BRD1: variants seen among roughly 807,000 people sequenced by gnomAD.
BRD1 encodes the protein bromodomain-containing protein 1.
In BRD1, 24 loss-of-function variants were observed where a neutral mutation model predicts 107.7. The ratio of observed to expected loss-of-function variants is 0.22; its 90% CI spans 0.16 to 0.31. The LOEUF is 0.31. Ranked by LOEUF, BRD1 falls within the 10% of genes least tolerant of loss-of-function variation. The probability of loss-of-function intolerance (pLI) is 1.00; values close to 1 mark genes in which losing one functional copy is unlikely to be tolerated. For synonymous variants in BRD1, 744 were observed against 686.1 expected (o/e 1.08, Z -1.32); for missense variants, 1,279 against 1,638.6 (o/e 0.78, Z 3.79).
chr22:49,783,132 G>A lies in BRD1; in HGVS notation c.2857+4258C>T, dbSNP rs1331699169. On this transcript the variant is annotated intron_variant, in intron 8 of 12. Transcript: ENST00000404760. This position sits in a 1 kb window ranked among gnomAD's most constrained non-coding sequence, Gnocchi z 4.2. ...CGCCTGCACGAGACCTGCTCTTGCTGGGACCCAGCTCCATGACAATGCAGC... is the reference window on the plus strand; with the variant it reads ...CGCCTGCACGAGACCTGCTCTTGCTAGGACCCAGCTCCATGACAATGCAGC... 2.0e-5 allele frequency among the ~76,000 whole-genome samples: 3 copies of A among 150,694 alleles called. No individual in the cohort carries two copies. Among genetic ancestry groups the A allele is most frequent in the Non-Finnish European group, 4.4e-5 (3 of 67,760 alleles).
chr22:49,777,844 A>G, intron 8 of BRD1, 31 bp from the exon 9 acceptor site: 1 of 1,575,888 alleles, frequency 6.3e-7, no homozygotes, highest in Non-Finnish European at 8.6e-7. Flanking sequence ...CCCTGAGCTC[A>G]GCACAACCAG....
intron 2 of BRD1, among the ~76,000 whole-genome samples, chr22:49,821,721 T>C (rs965265535): frequency 5.3e-5 from 8 of 152,152 alleles, no homozygotes; most frequent in East Asian, 3.9e-4. Context: ...TCAGCCTGCA[T>C]GCGTCCCACC....
chr22:49,819,895 CGA>C (rs1197861571), intron 2 of BRD1, among the ~76,000 whole-genome samples: 2 of 151,756 alleles, frequency 1.3e-5, no homozygotes, highest in African/African-American at 4.8e-5. Flanking sequence ...TTTGGGAGTT[CGA>C]GGCGGGTGGA....
intron 12 of BRD1, among the ~76,000 whole-genome samples, chr22:49,775,108 T>G (rs1023161031): frequency 2.6e-5 from 4 of 152,068 alleles, no homozygotes; most frequent in Admixed American, 2.6e-4. Flanking sequence ...TCCCAGACGC[T>G]CTGGGGAAAA....
At chr22:49,796,101 T>G (rs2059525820) in intron 6 of BRD1, among the ~76,000 whole-genome samples, 1 of 152,052 alleles carries the variant, frequency 6.6e-6, no homozygotes, top group Non-Finnish European at 1.5e-5. Flanking sequence ...GTTTTCTTTT[T>G]TTTTTTTTTG....
At chr22:49,801,209 A>T (rs935446051) in intron 3 of BRD1, among the ~76,000 whole-genome samples, 1 of 152,234 alleles carries the variant, frequency 6.6e-6, no homozygotes, top group Non-Finnish European at 1.5e-5. Flanking sequence ...ACCAGCATAC[A>T]CACAAATCGC....
In BRD1 at chr22:49,774,251, G is replaced by T; in HGVS notation, c.3552C>A (p.Asp1184Glu). 1 of 1,613,934 alleles carries T rather than the reference G, an allele frequency of 6.2e-7. No homozygotes were observed. Residue 1184 changes from aspartate (D) to glutamate (E), a missense_variant, in exon 13 of 13, where the codon GAC (aspartate) becomes GAA (glutamate). Asp to Glu is a conservative substitution (Grantham distance 45). Around this residue, in one of 7 missense-constraint regions of BRD1, gnomAD observed 136 missense variants for 196.8 expected, o/e 0.69. Transcript: ENST00000404760. ...CGGGCCGTCAGTCAATGTCACTGAG[G>T]TCGCTGGTCGGCTCCCCGTGGACGC... ...LSRVHGEPTSDLSDID is the reference protein window; with the variant it reads ...LSRVHGEPTSELSDID
Position 49,799,060 on chromosome 22 carries a change from C to T in BRD1, c.1584G>A (p.Leu528=). ...GGCGAGCGCGCTCCAGGTCGTGCCG[C>T]AGCCGCTGCCAGTACTTCAGCTTCT... ...AKEKLKYWQR[L]RHDLERARLL... The change falls in exon 4 of 13, where the codon CTG becomes CTA. Residue 528 remains leucine (L), a synonymous_variant. Coordinates refer to ENST00000404760, the MANE Select transcript of BRD1 (RefSeq NM_001304808.3). 1 of 1,611,174 alleles carries T rather than the reference C, an allele frequency of 6.2e-7. No homozygotes were observed. The highest frequency in any genetic ancestry group is 1.1e-5 in the South Asian group (1 of 91,082).
Position 49,797,784 on chromosome 22 carries a change from G to A in BRD1, c.2098+21C>T, listed in dbSNP as rs532774498. On this transcript the variant is annotated intron_variant, in intron 6 of 12. Coordinates refer to ENST00000404760, the MANE Select transcript of BRD1 (RefSeq NM_001304808.3). ...AGAAAGAGCGTCTTCCACCTCCTCC[G>A]GACACGGCGCCAGTTCTTACCGTCT... The A allele has an allele frequency of 3.1e-5, 49 of 1,566,100 alleles. No individual in the cohort carries two copies. In the Middle Eastern group the frequency reaches 6.8e-4, roughly 22 times the overall value.
chr22:49,799,227 G>A (rs939781534), intron 3 of BRD1, 108 bp from the exon 4 acceptor site: 14 of 1,443,568 alleles, frequency 9.7e-6, no homozygotes, highest in Non-Finnish European at 1.3e-5. Flanking sequence ...CAGGGGTCCT[G>A]CAGGCCCATC....
intron 1 of BRD1, among the ~76,000 whole-genome samples, chr22:49,825,276 G>A (rs891569918): frequency 3.9e-5 from 6 of 152,222 alleles, no homozygotes; most frequent in Non-Finnish European, 7.4e-5. Context: ...GCTCCACAGC[G>A]AGGGGTGACC....
At position 49,799,027 on chromosome 22, in the gene BRD1, G is replaced by A. The variant is rs200430329; in HGVS notation, c.1617C>T (p.Ile539=). The A allele has an allele frequency of 2.2e-4, 358 of 1,611,276 alleles. No individual in the cohort carries two copies. The highest frequency in any genetic ancestry group is 8.3e-4 in the Middle Eastern group (5 of 6,018). The change falls in exon 4 of 13, where the codon ATC becomes ATT. Residue 539 remains isoleucine, a synonymous_variant. Transcript: ENST00000404760. ...GCTTCTCCCGCTTGCGCAGCAGCTC[G>A]ATCAGCAGGCGAGCGCGCTCCAGGT... ...RHDLERARLL[I]ELLRKREKLK... is the part of the protein sequence containing the mutation.
Position 49,774,077 on chromosome 22 carries a change from T to G in BRD1, c.*156A>C. ...CTCACAGCGCCCAGACGGAGATGGGTTCCTAGAAAACTTGGAAATAAAACC... is the reference window on the plus strand; with the variant it reads ...CTCACAGCGCCCAGACGGAGATGGGGTCCTAGAAAACTTGGAAATAAAACC... On this transcript the variant is annotated 3_prime_UTR_variant, in exon 13 of 13. Coordinates refer to ENST00000404760, the MANE Select transcript of BRD1 (RefSeq NM_001304808.3). 9.4e-7 allele frequency: 1 copy of G among 1,060,446 alleles called. No homozygotes were observed. The highest frequency in any genetic ancestry group is 1.6e-5 in the African/African-American group (1 of 61,714). The allele number at this position is 1,060,446 out of a possible 1,614,324, so 65.7% of individuals were successfully genotyped here. A position where few individuals can be genotyped will look rare whatever the true frequency, so the allele number is the denominator to read the frequency against.
At position 49,823,955 on chromosome 22, in the gene BRD1, C is replaced by T; in HGVS notation, c.363G>A (p.Lys121=). 1 of 1,614,146 alleles carries T rather than the reference C, an allele frequency of 6.2e-7. No individual in the cohort carries two copies. Among genetic ancestry groups the T allele is most frequent in the Non-Finnish European group, 8.5e-7 (1 of 1,180,034 alleles). ...PASASALPEP[K]VRIVEYSPPS... The stretch of plus-strand genomic sequence containing the variant: ...GAGGGCTGTACTCCACGATGCGCAC[C>T]TTGGGCTCCGGGAGGGCACTGGCCG... Residue 121 remains lysine, a synonymous_variant, in exon 2 of 13, where the codon AAG becomes AAA. Coordinates refer to ENST00000404760, the MANE Select transcript of BRD1 (RefSeq NM_001304808.3).
intron 7 of BRD1, among the ~76,000 whole-genome samples, chr22:49,789,500 G>A (rs138842): frequency 9.0e-5 from 7 of 78,084 alleles, no homozygotes; most frequent in Admixed American, 1.7e-4. Flanking sequence ...TCCCCCCCCC[G>A]CCCCGAGCTC....
intron 12 of BRD1, among the ~76,000 whole-genome samples, chr22:49,774,646 ACCT>A (rs1437969286): frequency 6.6e-6 from 1 of 151,660 alleles, no homozygotes; most frequent in African/African-American, 2.4e-5. Flanking sequence ...AAAAACCATC[ACCT>A]CCTCCTCCAC....
chr22:49,824,506 T>A lies in BRD1; in HGVS notation c.-14-175A>T. The stretch of plus-strand genomic sequence containing the variant: ...AACCACACATCCAGGCCTGAGCGAG[T>A]CCCCAGGACCAGGGAGGGAGCAGCA... On this transcript the variant is annotated intron_variant, in intron 1 of 12. Coordinates refer to ENST00000404760, the MANE Select transcript of BRD1 (RefSeq NM_001304808.3). This position sits in a 1 kb window ranked among gnomAD's most constrained non-coding sequence, Gnocchi z 5.9. 1 of 1,420,226 alleles carries A rather than the reference T, an allele frequency of 7.0e-7. No individual in the cohort carries two copies. The highest frequency in any genetic ancestry group is 2.9e-5 in the Admixed American group (1 of 34,526). 88.0% of individuals were successfully genotyped at this position (1,420,226 alleles called of 1,614,324 possible). A position where few individuals can be genotyped will look rare whatever the true frequency, so the allele number is the denominator to read the frequency against.
At chr22:49,776,209 ACGCCC>A in intron 10 of BRD1, 50 bp from the exon 11 acceptor site, 2 of 1,484,690 alleles carry the variant, frequency 1.3e-6, no homozygotes, top group Non-Finnish European at 1.8e-6. Flanking sequence ...GACACGGGGC[ACGCCC>A]CGCCCCCCCA....
intron 2 of BRD1, chr22:49,820,954 C>T (rs1402189652): frequency 1.3e-5 from 2 of 152,308 alleles, no homozygotes; most frequent in Non-Finnish European, 2.9e-5. Flanking sequence ...CAGGAACACT[C>T]GTCCAGGTTT....
Sources: gnomAD v4.1 joint callset for allele counts (sites outside exome capture counted in the v4.1 genomes callset) on GRCh38, gnomAD v4.1.1 for gene constraint, gnomAD v4.1.1 regional missense constraint, Gnocchi (gnomAD v3.1) non-coding constraint, MANE v1.5 for transcripts, NCBI Gene and HGNC (gene_info 2026-07-23, HGNC 2026-07-21) for gene names.